Variants in ENTREP2 observed in about 807,000 individuals in gnomAD.
ENTREP2 encodes protein ENTREP2.
chr15:29,143,711 G>C, the ENTREP2 span, among the ~76,000 whole-genome samples: 2 of 152,160 alleles, frequency 1.3e-5, no homozygotes, highest in Admixed American at 6.5e-5. Flanking sequence ...TTATAAATTA[G>C]TGCTTCTCAC....
At chr15:29,613,155 G>A in the ENTREP2 span, 1 of 157,876 alleles carries the variant, frequency 6.3e-6, no homozygotes. Context: ...CTTATGCCCA[G>A]CACAGGGAGA....
the ENTREP2 span, among the ~76,000 whole-genome samples, chr15:29,142,916 CTGCTAAATG>C: frequency 1.3e-5 from 2 of 152,174 alleles, no homozygotes; most frequent in Non-Finnish European, 2.9e-5. Context: ...AAAACCTTTT[CTGCTAAATG>C]ATGTCAATCA....
the ENTREP2 span, among the ~76,000 whole-genome samples, chr15:29,308,870 A>G: frequency 1.3e-5 from 2 of 152,188 alleles, no homozygotes; most frequent in Non-Finnish European, 2.9e-5. Context: ...GTCCTCCCTC[A>G]CCAGGAGAAT....
At chr15:29,657,687 T>C in the ENTREP2 span, among the ~76,000 whole-genome samples, 1 of 152,108 alleles carries the variant, frequency 6.6e-6, no homozygotes, top group Non-Finnish European at 1.5e-5. Flanking sequence ...TTGGTGCATT[T>C]TACAATCCTC....
At chr15:29,166,045 A>G in the ENTREP2 span, among the ~76,000 whole-genome samples, 1 of 152,238 alleles carries the variant, frequency 6.6e-6, no homozygotes, top group Non-Finnish European at 1.5e-5. Context: ...GTGACACATC[A>G]CATAAACAGA....
At chr15:29,572,971 T>C in the ENTREP2 span, among the ~76,000 whole-genome samples, 1 of 151,494 alleles carries the variant, frequency 6.6e-6, no homozygotes, top group Admixed American at 6.6e-5. Flanking sequence ...CAAGAGGTGA[T>C]AGTGTTTTGG....
At chr15:29,461,417 T>C in the ENTREP2 span, among the ~76,000 whole-genome samples, 1 of 152,228 alleles carries the variant, frequency 6.6e-6, no homozygotes, top group African/African-American at 2.4e-5. Flanking sequence ...TTTCATTTGA[T>C]GGTGTTGATT....
chr15:29,208,294 G>A, the ENTREP2 span, among the ~76,000 whole-genome samples: 5 of 152,146 alleles, frequency 3.3e-5, no homozygotes, highest in South Asian at 1.0e-3. Context: ...AGTAGATAGG[G>A]CCAAAAATAG....
chr15:29,561,812 G>A, the ENTREP2 span, among the ~76,000 whole-genome samples: 1 of 152,184 alleles, frequency 6.6e-6, no homozygotes, highest in Non-Finnish European at 1.5e-5. Context: ...ATCAACGGAT[G>A]TGAAGTTGAA....
the ENTREP2 span, chr15:29,234,775 A>G: frequency 6.0e-6 from 9 of 1,493,764 alleles, no homozygotes; most frequent in Admixed American, 1.0e-4. Flanking sequence ...CATTGGTATA[A>G]AATATTACTC....
chr15:29,222,839 T>C, the ENTREP2 span, among the ~76,000 whole-genome samples: 2 of 152,224 alleles, frequency 1.3e-5, no homozygotes, highest in Admixed American at 1.3e-4. Flanking sequence ...TCCTAGAACA[T>C]ACCATAAATA....
At chr15:29,481,827 C>A in the ENTREP2 span, among the ~76,000 whole-genome samples, 1 of 152,114 alleles carries the variant, frequency 6.6e-6, no homozygotes, top group South Asian at 2.1e-4. Context: ...CCCCCACATA[C>A]TGCCAAACAT....
chr15:29,502,268 C>T, the ENTREP2 span, among the ~76,000 whole-genome samples: 3 of 151,840 alleles, frequency 2.0e-5, no homozygotes, highest in African/African-American at 7.2e-5. Flanking sequence ...TGGTATAAGA[C>T]AGTCAAATAG....
the ENTREP2 span, among the ~76,000 whole-genome samples, chr15:29,223,724 G>A: frequency 1.4e-3 from 214 of 152,252 alleles, 2 homozygotes; most frequent in Non-Finnish European, 7.2e-4. Context: ...GGGGTGGAGG[G>A]AATGGAAAGG....
chr15:29,448,508 C>T, the ENTREP2 span, among the ~76,000 whole-genome samples: 1 of 152,214 alleles, frequency 6.6e-6, no homozygotes, highest in African/African-American at 2.4e-5. Flanking sequence ...CCTAAATGCA[C>T]TTAAGCGACT....
chr15:29,290,795 C>A, the ENTREP2 span, among the ~76,000 whole-genome samples: 1 of 152,202 alleles, frequency 6.6e-6, no homozygotes, highest in African/African-American at 2.4e-5. Context: ...ATAGAAAGGA[C>A]TCTTGCAGCT....
the ENTREP2 span, among the ~76,000 whole-genome samples, chr15:29,171,542 C>T: frequency 6.6e-6 from 1 of 152,092 alleles, no homozygotes; most frequent in African/African-American, 2.4e-5. Context: ...CAAGAAAACC[C>T]AAGTAAGGTA....
At chr15:29,668,232 C>G in the ENTREP2 span, among the ~76,000 whole-genome samples, 1 of 152,200 alleles carries the variant, frequency 6.6e-6, no homozygotes, top group Non-Finnish European at 1.5e-5. Flanking sequence ...CTCTAGGCCT[C>G]CACTGCATTG....
the ENTREP2 span, among the ~76,000 whole-genome samples, chr15:29,546,343 G>A: frequency 6.6e-6 from 1 of 152,150 alleles, no homozygotes; most frequent in Admixed American, 6.6e-5. Context: ...GATAATCAGT[G>A]CAAAGTGCTG....
Sources: gnomAD v4.1 joint callset for allele counts (sites outside exome capture counted in the v4.1 genomes callset) on GRCh38, gnomAD v4.1.1 for gene constraint, MANE v1.5 for transcripts, NCBI Gene and HGNC (gene_info 2026-07-23, HGNC 2026-07-21) for gene names.